Variants in C10orf90 observed in about 807,000 individuals in gnomAD.
C10orf90 encodes the protein (E2-independent) E3 ubiquitin-conjugating enzyme FATS.
C10orf90 carries 56 observed loss-of-function variants against 62.5 expected under a neutral mutation model. The observed-to-expected ratio is 0.90, with a 90% CI of 0.72 to 1.12. The LOEUF is 1.12. C10orf90 is among the 50% of genes most tolerant of loss of function. The pLI, the probability that C10orf90 is intolerant of heterozygous loss-of-function variation, is 0.00. For synonymous variants in C10orf90, 386 were observed against 340.4 expected, an observed-to-expected ratio of 1.13 and a Z score of -1.47; for missense variants, 970 against 880.4, an observed-to-expected ratio of 1.10 and a Z score of -1.29.
intron 2 of C10orf90, among the ~76,000 whole-genome samples, chr10:126,571,688 A>G (rs533043741): frequency 6.6e-6 from 1 of 152,138 alleles, no homozygotes; most frequent in African/African-American, 2.4e-5. Flanking sequence ...GTTGAGGGGG[A>G]AGGTAGACCA....
intron 2 of C10orf90, among the ~76,000 whole-genome samples, chr10:126,634,551 C>G (rs1219253292): frequency 6.6e-6 from 1 of 152,014 alleles, no homozygotes; most frequent in Admixed American, 6.6e-5. Context: ...TACAACATTG[C>G]ACCTAGAGTC....
At chr10:126,565,056 T>G (rs1265492373) in intron 2 of C10orf90, among the ~76,000 whole-genome samples, 3 of 26,424 alleles carry the variant, frequency 1.1e-4, no homozygotes, top group African/African-American at 3.7e-4. Context: ...ATATAATATA[T>G]AAAATATATA....
chr10:126,595,370 C>T (rs201996315), intron 2 of C10orf90, among the ~76,000 whole-genome samples: 11 of 152,294 alleles, frequency 7.2e-5, no homozygotes, highest in East Asian at 5.8e-4. Context: ...AGCCTTTGGA[C>T]GACTGCCACC....
intron 2 of C10orf90, among the ~76,000 whole-genome samples, chr10:126,585,513 G>A (rs1463151262): frequency 6.6e-6 from 1 of 151,680 alleles, no homozygotes; most frequent in Non-Finnish European, 1.5e-5. Flanking sequence ...AGAAAAAAGA[G>A]CAGAAAGAGG....
intron 2 of C10orf90, among the ~76,000 whole-genome samples, chr10:126,588,121 A>C (rs747265133): frequency 6.6e-6 from 1 of 152,190 alleles, no homozygotes; most frequent in Non-Finnish European, 1.5e-5. Context: ...CCATACTGCT[A>C]TATCTGTGGT....
At chr10:126,563,698 A>ACACAC (rs1174071126) in intron 2 of C10orf90, among the ~76,000 whole-genome samples, 1 of 152,162 alleles carries the variant, frequency 6.6e-6, no homozygotes, top group East Asian at 1.9e-4. Context: ...TAGGAACACA[A>ACACAC]CCCATGGTAT....
chr10:126,540,595 G>A lies in C10orf90; in HGVS notation c.314-26656C>T, dbSNP rs140591913. On this transcript the variant is annotated intron_variant, in intron 2 of 9. Transcript: ENST00000488181. The stretch of plus-strand genomic sequence containing the variant: ...AATCACTTGAGCCTGGGAGCCAGAC[G>A]GTGCAGTGAGCTGAGATCATGTCAC... Among the ~76,000 whole-genome samples, 716 of 151,472 alleles carry A rather than the reference G, an allele frequency of 4.7e-3. 5 individuals carry two copies. Among genetic ancestry groups the A allele is most frequent in the African/African-American group, 0.017 (695 of 41,246 alleles).
chr10:126,614,259 C>T (rs975759912), intron 2 of C10orf90, among the ~76,000 whole-genome samples: 14 of 152,154 alleles, frequency 9.2e-5, no homozygotes, highest in Admixed American at 7.9e-4. Context: ...CCTCACTTTA[C>T]AGAGAAAACC....
chr10:126,460,209 T>C (rs1190421970), intron 6 of C10orf90, among the ~76,000 whole-genome samples: 3 of 152,224 alleles, frequency 2.0e-5, no homozygotes, highest in Non-Finnish European at 4.4e-5. Context: ...AGCCAGAGCA[T>C]GGTGCTTCAC....
At chr10:126,625,341 A>G (rs891703107) in intron 2 of C10orf90, among the ~76,000 whole-genome samples, 6 of 152,188 alleles carry the variant, frequency 3.9e-5, no homozygotes, top group African/African-American at 1.4e-4. Flanking sequence ...GTCCATTAGC[A>G]TAGTGAGGCC....
Position 126,518,549 on chromosome 10 carries a change from G to GA in C10orf90, c.314-4611dup, listed in dbSNP as rs1045476187. Among the ~76,000 whole-genome samples, 115 of 147,078 alleles carry GA rather than the reference G, an allele frequency of 7.8e-4. 2 individuals are homozygous for GA. The highest frequency in any genetic ancestry group is 7.5e-3 in the East Asian group (38 of 5,064). The stretch of plus-strand genomic sequence containing the variant: ...TTTCAATTCAAATAAAACCGTCATA[G>GA]AAAAAAAAAACAAACATCATGAGAG... On this transcript the variant is annotated intron_variant, in intron 2 of 9. Transcript: ENST00000488181.
Position 126,456,918 on chromosome 10 carries a change from G to A in C10orf90, c.2188+2122C>T, listed in dbSNP as rs1279215587. ...AGTAACCAACCCTGTGGAAACCTCG[G>A]TTTTGACTTCTGGCCTCTAGAACTG... On this transcript the variant is annotated intron_variant, in intron 7 of 9. Transcript: ENST00000488181. This position sits in a 1 kb window ranked among gnomAD's most constrained non-coding sequence, Gnocchi z 4.9. Among the ~76,000 whole-genome samples the A allele has an allele frequency of 6.6e-6, 1 of 152,184 alleles. No homozygotes were observed. The highest frequency in any genetic ancestry group is 6.5e-5 in the Admixed American group (1 of 15,284).
intron 2 of C10orf90, among the ~76,000 whole-genome samples, chr10:126,546,967 C>T (rs1864506591): frequency 6.6e-6 from 1 of 152,066 alleles, no homozygotes; most frequent in Non-Finnish European, 1.5e-5. Flanking sequence ...TCTACTAATA[C>T]TACAAAAAAT....
intron 7 of C10orf90, among the ~76,000 whole-genome samples, chr10:126,430,383 G>T (rs1242546166): frequency 6.6e-6 from 1 of 152,172 alleles, no homozygotes. Flanking sequence ...TAATAATCAT[G>T]TATGCTCAGT....
chr10:126,602,449 G>A (rs1474724006), intron 2 of C10orf90, among the ~76,000 whole-genome samples: 1 of 152,182 alleles, frequency 6.6e-6, no homozygotes, highest in Non-Finnish European at 1.5e-5. Context: ...AGATGACCTA[G>A]GTGTGAAGGG....
chr10:126,509,595 C>T (rs1343162555), intron 3 of C10orf90, among the ~76,000 whole-genome samples: 8 of 152,206 alleles, frequency 5.3e-5, no homozygotes, highest in African/African-American at 1.9e-4. Flanking sequence ...CACGGTCAAA[C>T]TCTTTAACTG....
At chr10:126,502,696 A>G (rs766977852) in intron 4 of C10orf90, 3 of 448,892 alleles carry the variant, frequency 6.7e-6, no homozygotes, top group Non-Finnish European at 1.3e-5. Context: ...GTAACATACA[A>G]CAATGCAGTG....
At chr10:126,532,647 C>G (rs1048836805) in intron 2 of C10orf90, among the ~76,000 whole-genome samples, 14 of 151,254 alleles carry the variant, frequency 9.3e-5, no homozygotes, top group Admixed American at 6.6e-4. Context: ...ACCATCCTGG[C>G]TAACACGGTG....
chr10:126,519,805 G>C (rs546852311), intron 2 of C10orf90, among the ~76,000 whole-genome samples: 1 of 151,844 alleles, frequency 6.6e-6, no homozygotes, highest in East Asian at 1.9e-4. Flanking sequence ...CTTTCTTTTG[G>C]GGGTTTCCTC....
Sources: allele counts gnomAD v4.1 joint callset (sites outside exome capture counted in the v4.1 genomes callset), GRCh38; gene constraint gnomAD v4.1.1; non-coding constraint Gnocchi (gnomAD v3.1); transcripts MANE v1.5; gene names NCBI Gene and HGNC (gene_info 2026-07-23, HGNC 2026-07-21).